SPON1: variants seen among roughly 807,000 people sequenced by gnomAD.
SPON1 encodes spondin-1.
Under a neutral mutation model 111.7 loss-of-function variants are expected in SPON1, and 52 were observed. That is an observed-to-expected ratio of 0.47 (90% CI 0.37 to 0.59). The LOEUF (loss-of-function observed/expected upper bound fraction) is 0.59. Among genes scored for constraint, SPON1 ranks in the 20% least tolerant of loss-of-function variants. The pLI is 0.00. For missense variants in SPON1, 957 were observed against 1,068.5 expected, an observed-to-expected ratio of 0.90 and a Z score of 1.46; for synonymous variants, 410 against 395.8, an observed-to-expected ratio of 1.04 and a Z score of -0.43.
At chr11:14,185,021 C>A (rs969261933) in intron 6 of SPON1, among the ~76,000 whole-genome samples, 2 of 152,214 alleles carry the variant, frequency 1.3e-5, no homozygotes, top group Admixed American at 1.3e-4. Context: ...TCCATTCATA[C>A]CCAGCTCTCC....
intron 6 of SPON1, among the ~76,000 whole-genome samples, chr11:14,173,036 G>C (rs1554932665): frequency 6.6e-6 from 1 of 151,784 alleles, no homozygotes; most frequent in East Asian, 1.9e-4. Flanking sequence ...TTGAATGTTG[G>C]CCTGCCTCGC....
intron 3 of SPON1, among the ~76,000 whole-genome samples, chr11:14,068,483 G>T (rs1224816683): frequency 6.6e-6 from 1 of 152,186 alleles, no homozygotes; most frequent in East Asian, 1.9e-4. Context: ...ACATGGGTGT[G>T]CAGCACCATG....
intron 6 of SPON1, among the ~76,000 whole-genome samples, chr11:14,231,241 C>G (rs1308645078): frequency 1.3e-5 from 2 of 151,810 alleles, no homozygotes; most frequent in Admixed American, 1.3e-4. Context: ...TCAAGCAATT[C>G]TCCTGCCTCA....
chr11:14,254,845 G>A, intron 8 of SPON1, 116 bp downstream of exon 8: 2 of 1,024,302 alleles, frequency 2.0e-6, no homozygotes, highest in Non-Finnish European at 1.4e-6. Flanking sequence ...CAGTCTGGCT[G>A]GGGAGGCTGG....
intron 3 of SPON1, among the ~76,000 whole-genome samples, chr11:14,056,582 C>T (rs1324563430): frequency 7.9e-5 from 12 of 151,954 alleles, no homozygotes; most frequent in African/African-American, 2.4e-4. Flanking sequence ...AAATCAAGAC[C>T]AGGGAAAATC....
intron 5 of SPON1, among the ~76,000 whole-genome samples, chr11:14,097,523 C>G (rs1554923992): frequency 6.6e-6 from 1 of 152,152 alleles, no homozygotes; most frequent in Non-Finnish European, 1.5e-5. Flanking sequence ...TACAAAAATG[C>G]TCTCGTTATT....
intron 6 of SPON1, among the ~76,000 whole-genome samples, chr11:14,222,777 T>C (rs955416728): frequency 6.6e-6 from 1 of 152,208 alleles, no homozygotes; most frequent in African/African-American, 2.4e-5. Flanking sequence ...AATTAAGCCC[T>C]GATTTATAAT....
intron 2 of SPON1, among the ~76,000 whole-genome samples, chr11:14,009,302 T>G (rs1848387151): frequency 6.6e-6 from 1 of 152,240 alleles, no homozygotes; most frequent in African/African-American, 2.4e-5. Context: ...CCTCATCTTG[T>G]GTCATCTTCC....
At chr11:14,055,464 T>C (rs1311858082) in intron 3 of SPON1, among the ~76,000 whole-genome samples, 4 of 152,254 alleles carry the variant, frequency 2.6e-5, no homozygotes, top group Non-Finnish European at 5.9e-5. Context: ...TCCGTCTTTT[T>C]AAATGGAAAG....
intron 4 of SPON1, among the ~76,000 whole-genome samples, chr11:14,077,415 A>G (rs553872419): frequency 2.0e-5 from 3 of 152,246 alleles, no homozygotes; most frequent in African/African-American, 7.2e-5. Flanking sequence ...AAACATATGC[A>G]TACACATACT....
At chr11:14,073,340 A>G (rs1408562647) in intron 3 of SPON1, among the ~76,000 whole-genome samples, 1 of 152,172 alleles carries the variant, frequency 6.6e-6, no homozygotes, top group African/African-American at 2.4e-5. Context: ...CTGATACATG[A>G]GGTCAGACGT....
At chr11:14,069,805 G>A (rs1384681798) in intron 3 of SPON1, among the ~76,000 whole-genome samples, 1 of 141,924 alleles carries the variant, frequency 7.0e-6, no homozygotes, top group Non-Finnish European at 1.6e-5. Flanking sequence ...GTGACCCCAA[G>A]CAGAGACTGC....
chr11:14,097,869 A>G (rs1849113952), intron 5 of SPON1, among the ~76,000 whole-genome samples: 2 of 151,540 alleles, frequency 1.3e-5, no homozygotes, highest in African/African-American at 2.4e-5. Flanking sequence ...TTACTCTTCC[A>G]TGATTTCTGT....
rs1848074978 is a variant in SPON1 at position 13,972,967 on chromosome 11, C to T, written c.238+9825C>T. On this transcript the variant is annotated intron_variant, in intron 1 of 15. Transcript: ENST00000576479. ...TCTCTCTCTCTCTCTGTCCCCCGTT[C>T]CCTCCTTCGCTCTATCTTTTTGTCC... 2.0e-5 allele frequency among the ~76,000 whole-genome samples: 3 copies of T among 152,162 alleles called. No homozygotes were observed. The South Asian group carries it at 6.2e-4, about 32-fold the overall frequency.
chr11:14,231,354 C>T (rs984306416), intron 6 of SPON1, among the ~76,000 whole-genome samples: 15 of 151,678 alleles, frequency 9.9e-5, no homozygotes, highest in East Asian at 3.9e-4. Context: ...AGGATGGTCT[C>T]GATCTCCTGA....
At chr11:13,987,090 C>T (rs541404639) in intron 2 of SPON1, among the ~76,000 whole-genome samples, 34 of 152,172 alleles carry the variant, frequency 2.2e-4, no homozygotes, top group Non-Finnish European at 4.1e-4. Flanking sequence ...GTAATGGGAT[C>T]GCTGGGTCAA....
chr11:14,065,489 A>G (rs1180550597), intron 3 of SPON1, among the ~76,000 whole-genome samples: 3 of 152,204 alleles, frequency 2.0e-5, no homozygotes, highest in African/African-American at 7.2e-5. Flanking sequence ...GAAACCCAAG[A>G]GCAACACTTC....
At chr11:14,078,127 T>C (rs962993863) in intron 4 of SPON1, among the ~76,000 whole-genome samples, 3 of 152,196 alleles carry the variant, frequency 2.0e-5, no homozygotes, top group Non-Finnish European at 4.4e-5. Context: ...TCAATAGGCT[T>C]TTCCTTAGTA....
At chr11:14,049,870 TG>T (rs1848695590) in intron 3 of SPON1, among the ~76,000 whole-genome samples, 1 of 152,162 alleles carries the variant, frequency 6.6e-6, no homozygotes, top group Non-Finnish European at 1.5e-5. Flanking sequence ...CAGACCCTGA[TG>T]GGGGCATTAC....
Sources: gnomAD v4.1 joint callset for allele counts (sites outside exome capture counted in the v4.1 genomes callset) on GRCh38, gnomAD v4.1.1 for gene constraint, MANE v1.5 for transcripts, NCBI Gene and HGNC (gene_info 2026-07-23, HGNC 2026-07-21) for gene names.